GREB1L: variants seen among roughly 807,000 people sequenced by gnomAD.
GREB1L encodes GREB1 like retinoic acid receptor coactivator.
In GREB1L, 17 loss-of-function variants were observed where a neutral mutation model predicts 200.8. That is an observed-to-expected ratio of 0.08 (90% CI 0.06 to 0.13). The LOEUF is 0.13. Ranked by LOEUF, GREB1L falls within the 10% of genes least tolerant of loss-of-function variation. GREB1L has a pLI of 1.00. For missense variants in GREB1L, 1,657 were observed against 2,367.7 expected, an observed-to-expected ratio of 0.70 and a Z score of 6.23; for synonymous variants, 789 against 893.0, an observed-to-expected ratio of 0.88 and a Z score of 2.08.
chr18:21,432,166 G>T (rs142063864), intron 7 of GREB1L, among the ~76,000 whole-genome samples: 1 of 151,808 alleles, frequency 6.6e-6, no homozygotes, highest in Non-Finnish European at 1.5e-5. Context: ...TTCATGATCC[G>T]CCCACCTCGG....
At chr18:21,485,907 C>T (rs1207430756) in intron 18 of GREB1L, among the ~76,000 whole-genome samples, 154 bp downstream of exon 18, 1 of 152,138 alleles carries the variant, frequency 6.6e-6, no homozygotes, top group Admixed American at 6.5e-5. Context: ...TCCTAAGATG[C>T]CCTACTATTG....
At chr18:21,256,652 A>G (rs1010356457) in intron 1 of GREB1L, among the ~76,000 whole-genome samples, 1 of 152,184 alleles carries the variant, frequency 6.6e-6, no homozygotes, top group Non-Finnish European at 1.5e-5. Flanking sequence ...GACAGTTGCC[A>G]CATAATTTGA....
intron 21 of GREB1L, among the ~76,000 whole-genome samples, chr18:21,497,812 C>A (rs985033800): frequency 2.7e-5 from 1 of 37,278 alleles, no homozygotes; most frequent in African/African-American, 5.5e-5. Context: ...CCCCTCACCA[C>A]CCCCCCCCCT....
At chr18:21,462,197 T>C (rs1265947760) in intron 15 of GREB1L, among the ~76,000 whole-genome samples, 4 of 152,248 alleles carry the variant, frequency 2.6e-5, no homozygotes, top group Admixed American at 6.5e-5. Context: ...ATCCATGTTT[T>C]ATTGTGGAGT....
At chr18:21,353,360 G>T (rs2143364079) in intron 1 of GREB1L, among the ~76,000 whole-genome samples, 1 of 152,168 alleles carries the variant, frequency 6.6e-6, no homozygotes, top group Non-Finnish European at 1.5e-5. Context: ...GTACTCAATA[G>T]TAGCAGCTAT....
chr18:21,288,055 A>G (rs1024386486), intron 1 of GREB1L, among the ~76,000 whole-genome samples: 16 of 152,054 alleles, frequency 1.1e-4, no homozygotes, highest in African/African-American at 3.9e-4. Flanking sequence ...TGCCCACCTT[A>G]GCCTCCCATA....
chr18:21,395,107 AAAAAAAAAAAAAAAAG>A (rs1214505625), intron 4 of GREB1L, among the ~76,000 whole-genome samples: 27 of 68,788 alleles, frequency 3.9e-4, no homozygotes, highest in African/African-American at 6.2e-4. Flanking sequence ...CTCCATCTCA[AAAAAAAAAAAAAAAAG>A]AAAAAAAAAA....
chr18:21,349,951 G>A (rs2039409252), intron 1 of GREB1L, among the ~76,000 whole-genome samples: 1 of 152,162 alleles, frequency 6.6e-6, no homozygotes, highest in African/African-American at 2.4e-5. Context: ...TGCCAAAAAG[G>A]TTGGGGACTG....
At chr18:21,340,564 A>G (rs886291570) in intron 1 of GREB1L, among the ~76,000 whole-genome samples, 19 of 149,500 alleles carry the variant, frequency 1.3e-4, no homozygotes, top group South Asian at 2.1e-4. Flanking sequence ...TTTTTTTGAG[A>G]CGGAGTCTTG....
chr18:21,452,047 C>A, intron 13 of GREB1L, 36 bp from the exon 14 acceptor site: 1 of 1,545,408 alleles, frequency 6.5e-7, no homozygotes, highest in South Asian at 1.2e-5. Context: ...CAAACATATC[C>A]TTCCTTGTAA....
At chr18:21,481,301 G>A (rs1214122197) in intron 17 of GREB1L, among the ~76,000 whole-genome samples, 1 of 152,034 alleles carries the variant, frequency 6.6e-6, no homozygotes, top group African/African-American at 2.4e-5. Flanking sequence ...GGAGAAAACT[G>A]TGGGCATTTT....
At chr18:21,359,683 T>C (rs761151466) in intron 1 of GREB1L, among the ~76,000 whole-genome samples, 91 of 152,330 alleles carry the variant, frequency 6.0e-4, no homozygotes, top group Non-Finnish European at 9.0e-4. Flanking sequence ...CAGGAACTGC[T>C]TCTTCTTTGA....
Position 21,412,020 on chromosome 18 carries a change from C to A in GREB1L, c.832+8026C>A, listed in dbSNP as rs1161935890. Reference sequence around the variant, plus strand: ...AGATTGCGCCACTGCAGTCCTCAGTCCGGCCTGGGCGACAGAGCGAGACTC... The same window carrying A: ...AGATTGCGCCACTGCAGTCCTCAGTACGGCCTGGGCGACAGAGCGAGACTC... On this transcript the variant is annotated intron_variant, in intron 7 of 32. Transcript: ENST00000424526. Among the ~76,000 whole-genome samples the A allele has an allele frequency of 3.4e-5, 5 of 145,220 alleles. 1 individual carries two copies. Among genetic ancestry groups the A allele is most frequent in the Non-Finnish European group, 6.0e-5 (4 of 67,010 alleles).
At chr18:21,303,840 C>G (rs1395577346) in intron 1 of GREB1L, among the ~76,000 whole-genome samples, 1 of 152,040 alleles carries the variant, frequency 6.6e-6, no homozygotes, top group Non-Finnish European at 1.5e-5. Context: ...GAGAGTTCGT[C>G]TTATGAGAGT....
At chr18:21,346,523 A>G (rs1219384916) in intron 1 of GREB1L, among the ~76,000 whole-genome samples, 1 of 151,942 alleles carries the variant, frequency 6.6e-6, no homozygotes, top group Non-Finnish European at 1.5e-5. Flanking sequence ...AGTCTAGACC[A>G]AGATTACTTG....
At chr18:21,363,300 C>G (rs1451198997) in intron 1 of GREB1L, among the ~76,000 whole-genome samples, 1 of 107,302 alleles carries the variant, frequency 9.3e-6, no homozygotes, top group Non-Finnish European at 1.9e-5. Flanking sequence ...CCCCCCCCCC[C>G]ACACACACAA....
chr18:21,292,630 T>C (rs550959748), intron 1 of GREB1L, among the ~76,000 whole-genome samples: 4 of 152,318 alleles, frequency 2.6e-5, no homozygotes, highest in Admixed American at 2.0e-4. Flanking sequence ...GTGTCTGGCG[T>C]CTTTCACTTA....
intron 18 of GREB1L, among the ~76,000 whole-genome samples, chr18:21,486,560 A>T (rs1242801412): frequency 1.3e-5 from 2 of 152,086 alleles, no homozygotes; most frequent in African/African-American, 4.8e-5. Flanking sequence ...AGGTGAATTC[A>T]GTTCTTGGGG....
At chr18:21,497,172 C>G (rs1045552785) in intron 21 of GREB1L, among the ~76,000 whole-genome samples, 10 of 152,228 alleles carry the variant, frequency 6.6e-5, no homozygotes, top group Admixed American at 2.6e-4. Context: ...GAGGGCTCCT[C>G]TGGGGCCACT....
Sources: allele counts gnomAD v4.1 joint callset (sites outside exome capture counted in the v4.1 genomes callset), GRCh38; gene constraint gnomAD v4.1.1; transcripts MANE v1.5; gene names NCBI Gene and HGNC (gene_info 2026-07-23, HGNC 2026-07-21).